Variants in AFF2 observed in about 807,000 individuals in gnomAD.
AFF2 encodes the protein AF4/FMR2 family member 2.
A neutral mutation model predicts 76.9 loss-of-function variants in AFF2; 14 were observed. The observed-to-expected ratio is 0.18, with a 90% CI of 0.12 to 0.28. The LOEUF (loss-of-function observed/expected upper bound fraction) is 0.28, where lower values mean the gene tolerates loss of function less well. AFF2 is among the 10% of genes least tolerant of loss of function. The probability of loss-of-function intolerance (pLI) is 1.00; values close to 1 mark genes in which losing one functional copy is unlikely to be tolerated. For synonymous variants in AFF2, 398 were observed against 366.7 expected, an observed-to-expected ratio of 1.09 and a Z score of -0.98; for missense variants, 868 against 1,001.1, an observed-to-expected ratio of 0.87 and a Z score of 1.79.
At chrX:148,616,890 AAAGG>A (rs781979090) in intron 1 of AFF2, among the ~76,000 whole-genome samples, 88 of 111,114 alleles carry the variant, frequency 7.9e-4, no homozygotes, top group Non-Finnish European at 8.7e-4. Context: ...ATGTCCCTAC[AAAGG>A]ACATGAACTC....
At chrX:148,534,461 A>G (rs1557236302) in intron 1 of AFF2, among the ~76,000 whole-genome samples, 1 of 112,955 alleles carries the variant, frequency 8.9e-6, no homozygotes, top group East Asian at 2.8e-4. Flanking sequence ...TCACATGTTT[A>G]TTTTGGCTCA....
intron 9 of AFF2, among the ~76,000 whole-genome samples, chrX:148,920,633 C>T (rs370829797): frequency 2.7e-3 from 278 of 104,776 alleles, no homozygotes; most frequent in Non-Finnish European, 3.5e-3. Flanking sequence ...TGTGTGTGCG[C>T]GTGTGTGTGT....
chrX:148,517,571 T>C (rs782621852), intron 1 of AFF2, among the ~76,000 whole-genome samples: 1 of 112,091 alleles, frequency 8.9e-6, no homozygotes, highest in South Asian at 3.7e-4. Context: ...AATCTAACCC[T>C]TAGTACATTG....
At chrX:148,860,560 A>T (rs1557276326) in intron 7 of AFF2, among the ~76,000 whole-genome samples, 1 of 111,770 alleles carries the variant, frequency 8.9e-6, no homozygotes, top group Non-Finnish European at 1.9e-5. Flanking sequence ...GTCATTTGAG[A>T]TCTGTGCATC....
At chrX:148,799,605 A>G (rs1603303001) in intron 3 of AFF2, among the ~76,000 whole-genome samples, 1 of 112,312 alleles carries the variant, frequency 8.9e-6, no homozygotes. Context: ...AGGCAAATTA[A>G]TTGGTTTTAC....
chrX:148,816,995 A>G (rs1376919622), intron 4 of AFF2, among the ~76,000 whole-genome samples: 1 of 110,019 alleles, frequency 9.1e-6, no homozygotes, highest in Non-Finnish European at 1.9e-5. Flanking sequence ...CAATATTTTT[A>G]TGGAAAAATT....
intron 3 of AFF2, among the ~76,000 whole-genome samples, chrX:148,768,828 C>T (rs1569555207): frequency 8.9e-6 from 1 of 112,066 alleles, no homozygotes; most frequent in Admixed American, 9.5e-5. Flanking sequence ...CATTAAATTG[C>T]AGGTGGTTCC....
At chrX:148,951,915 A>C (rs1242944638) in intron 9 of AFF2, among the ~76,000 whole-genome samples, 4 of 111,744 alleles carry the variant, frequency 3.6e-5, no homozygotes, top group Middle Eastern at 9.2e-3. Flanking sequence ...TTGACAGAGA[A>C]ATGTACTTGT....
intron 2 of AFF2, among the ~76,000 whole-genome samples, chrX:148,656,534 C>G (rs1167247211): frequency 1.2e-5 from 1 of 83,541 alleles, no homozygotes; most frequent in Admixed American, 1.5e-4. Context: ...GAGTCTCGCT[C>G]TGTCGCCCAG....
intron 12 of AFF2, among the ~76,000 whole-genome samples, chrX:148,961,095 G>A (rs1307690691): frequency 8.9e-6 from 1 of 112,077 alleles, no homozygotes; most frequent in Non-Finnish European, 1.9e-5. Context: ...CAGACAGGCA[G>A]GCATTGCATG....
intron 3 of AFF2, among the ~76,000 whole-genome samples, chrX:148,741,507 G>A (rs781969778): frequency 5.4e-5 from 6 of 110,687 alleles, no homozygotes; most frequent in African/African-American, 1.6e-4. Context: ...ACAGCCCCAA[G>A]TCTGTTTCCA....
At chrX:148,820,624 G>T (rs1603306258) in intron 4 of AFF2, among the ~76,000 whole-genome samples, 1 of 111,162 alleles carries the variant, frequency 9.0e-6, no homozygotes, top group Non-Finnish European at 1.9e-5. Context: ...TGACTAAAAA[G>T]AAACTGAAGG....
intron 1 of AFF2, among the ~76,000 whole-genome samples, chrX:148,506,259 C>G (rs1383880995): frequency 8.9e-6 from 1 of 111,809 alleles, no homozygotes; most frequent in African/African-American, 3.3e-5. Context: ...GCCTTTCCAA[C>G]ATGTGGAATG....
chrX:148,741,563 C>A (rs1273722487), intron 3 of AFF2, among the ~76,000 whole-genome samples: 7 of 111,103 alleles, frequency 6.3e-5, no homozygotes, highest in Non-Finnish European at 1.3e-4. Context: ...GGCTTTCCTC[C>A]TCTCAGCTGC....
chrX:148,550,886 G>A (rs1367027556), intron 1 of AFF2, among the ~76,000 whole-genome samples: 5 of 109,060 alleles, frequency 4.6e-5, no homozygotes, highest in Non-Finnish European at 9.5e-5. Flanking sequence ...CTTAATTTTG[G>A]CACCACTGAC....
intron 3 of AFF2, among the ~76,000 whole-genome samples, chrX:148,669,470 C>T (rs782343686): frequency 3.3e-4 from 37 of 111,939 alleles, no homozygotes; most frequent in African/African-American, 1.0e-3. Flanking sequence ...AAAGATTTAA[C>T]GGACTTACAG....
In AFF2 at chrX:148,652,129, T is replaced by C. The variant is rs1298554052; in HGVS notation, c.178T>C (p.Tyr60His). 1.4e-5 allele frequency: 17 copies of C among 1,186,144 alleles called. No individual in the cohort carries two copies. The highest frequency in any genetic ancestry group is 1.9e-5 in the Non-Finnish European group (17 of 879,637). Reference sequence around the variant, plus strand: ...TGGGGAGCCATACAAGGTAGCTGAATATGTATGTAATTTTTCTTTCTGGAA... The same window carrying C: ...TGGGGAGCCATACAAGGTAGCTGAACATGTATGTAATTTTTCTTTCTGGAA... ...LFGEPYKVAE[Y>H]TNKGDALANR... The change falls in exon 2 of 21, where the codon TAT becomes CAT. Residue 60 changes from tyrosine (Y) to histidine (H), a missense_variant and splice_region_variant. Physicochemically the swap from Tyr to His is moderately conservative, Grantham distance 83. Around this residue, in one of 6 missense-constraint regions of AFF2, gnomAD observed 196 missense variants for 194.8 expected, o/e 1.01. Coordinates refer to ENST00000370460, the MANE Select transcript of AFF2 (RefSeq NM_002025.4).
chrX:148,847,250 AG>A (rs2070678728), intron 7 of AFF2, among the ~76,000 whole-genome samples: 2 of 112,265 alleles, frequency 1.8e-5, no homozygotes, highest in South Asian at 7.6e-4. Context: ...ACATAGGAAT[AG>A]ATAAGATGTT....
chrX:148,624,885 C>T (rs79408140), intron 1 of AFF2, among the ~76,000 whole-genome samples: 1 of 111,652 alleles, frequency 9.0e-6, no homozygotes, highest in Non-Finnish European at 1.9e-5. Flanking sequence ...AACAATTGTC[C>T]GAGGATGTCT....
Sources: allele counts gnomAD v4.1 joint callset (sites outside exome capture counted in the v4.1 genomes callset), GRCh38; gene constraint gnomAD v4.1.1; regional missense constraint gnomAD v4.1.1; transcripts MANE v1.5; gene names NCBI Gene and HGNC (gene_info 2026-07-23, HGNC 2026-07-21).